The following SKAP1 variants were observed in gnomAD, a reference collection of about 807,000 sequenced individuals.
SKAP1 encodes src kinase associated phosphoprotein 1.
SKAP1 carries 44 observed loss-of-function variants against 58.5 expected under a neutral mutation model. The observed-to-expected ratio is 0.75, with a 90% CI of 0.59 to 0.97. SKAP1 has a LOEUF of 0.97. Among genes scored for constraint, SKAP1 ranks in the 50% least tolerant of loss-of-function variants. The pLI is 0.00. For missense variants in SKAP1, 390 were observed against 435.2 expected, an observed-to-expected ratio of 0.90 and a Z score of 0.92; for synonymous variants, 127 against 149.7, an observed-to-expected ratio of 0.85 and a Z score of 1.11.
chr17:48,361,590 C>T (rs943216410), intron 3 of SKAP1, among the ~76,000 whole-genome samples: 1 of 152,270 alleles, frequency 6.6e-6, no homozygotes, highest in Admixed American at 6.5e-5. Context: ...ATTTTCCTTC[C>T]AGGCACCAGA....
chr17:48,243,473 C>A (rs2065262914), intron 4 of SKAP1, among the ~76,000 whole-genome samples: 1 of 152,080 alleles, frequency 6.6e-6, no homozygotes, highest in South Asian at 2.1e-4. Flanking sequence ...GAAATAGGAT[C>A]TTCACACTAA....
At chr17:48,362,474 A>T (rs2066948950) in intron 3 of SKAP1, among the ~76,000 whole-genome samples, 1 of 152,212 alleles carries the variant, frequency 6.6e-6, no homozygotes, top group African/African-American at 2.4e-5. Context: ...TAAACCCTGA[A>T]CTATAGGGCC....
chr17:48,202,557 T>G (rs1417260922), intron 4 of SKAP1, among the ~76,000 whole-genome samples: 1 of 152,156 alleles, frequency 6.6e-6, no homozygotes, highest in Non-Finnish European at 1.5e-5. Flanking sequence ...ATTCTAGATT[T>G]AAATATTTCT....
intron 4 of SKAP1, among the ~76,000 whole-genome samples, chr17:48,277,584 T>C (rs2065716226): frequency 6.6e-6 from 1 of 152,132 alleles, no homozygotes; most frequent in Non-Finnish European, 1.5e-5. Flanking sequence ...AAATTTGGGG[T>C]TATTAGATTA....
intron 4 of SKAP1, among the ~76,000 whole-genome samples, chr17:48,217,870 A>G (rs538104759): frequency 6.6e-6 from 1 of 152,328 alleles, no homozygotes; most frequent in Admixed American, 6.5e-5. Context: ...TTAAAAGGCT[A>G]CATTATGTGA....
intron 2 of SKAP1, among the ~76,000 whole-genome samples, chr17:48,376,797 T>C (rs2144458230): frequency 6.6e-6 from 1 of 152,278 alleles, no homozygotes; most frequent in South Asian, 2.1e-4. Context: ...GTAGAAGTGA[T>C]GTAATTGGCC....
At chr17:48,396,927 TAA>T (rs35139298) in intron 1 of SKAP1, 142 bp from the exon 2 acceptor site, 689 of 354,942 alleles carry the variant, frequency 1.9e-3, no homozygotes, top group Middle Eastern at 5.4e-3. Flanking sequence ...TAAAGTATAA[TAA>T]AAAAAAAAAA....
intron 4 of SKAP1, among the ~76,000 whole-genome samples, chr17:48,194,384 T>A (rs944673431): frequency 6.6e-6 from 1 of 152,226 alleles, no homozygotes; most frequent in Non-Finnish European, 1.5e-5. Flanking sequence ...TTTAGTCAGC[T>A]ATGCACAGCA....
At chr17:48,379,995 T>C (rs761083572) in intron 2 of SKAP1, among the ~76,000 whole-genome samples, 73 of 152,322 alleles carry the variant, frequency 4.8e-4, no homozygotes, top group Non-Finnish European at 8.5e-4. Context: ...AGTATCATTC[T>C]TACCCATTTA....
chr17:48,155,352 T>C (rs540172019), intron 11 of SKAP1, among the ~76,000 whole-genome samples: 3 of 150,782 alleles, frequency 2.0e-5, no homozygotes, highest in Middle Eastern at 3.4e-3. Context: ...GGTCTCGAAC[T>C]CCTGACCTCA....
At chr17:48,187,571 A>C (rs1461503884) in intron 6 of SKAP1, among the ~76,000 whole-genome samples, 1 of 152,192 alleles carries the variant, frequency 6.6e-6, no homozygotes, top group Non-Finnish European at 1.5e-5. Context: ...CAAAACATTC[A>C]ACTTTGATAA....
chr17:48,416,850 C>T (rs1322558616), intron 1 of SKAP1, among the ~76,000 whole-genome samples: 2 of 152,196 alleles, frequency 1.3e-5, no homozygotes, highest in Admixed American at 6.5e-5. Context: ...TTTCTGCAGT[C>T]ACTCTTAAAT....
chr17:48,269,824 T>C (rs1465096866), intron 4 of SKAP1, among the ~76,000 whole-genome samples: 1 of 152,168 alleles, frequency 6.6e-6, no homozygotes, highest in Non-Finnish European at 1.5e-5. Flanking sequence ...CCGGGTGCGG[T>C]GGCTCACGCT....
intron 1 of SKAP1, among the ~76,000 whole-genome samples, chr17:48,407,676 T>C (rs1013211196): frequency 3.3e-5 from 5 of 151,922 alleles, no homozygotes; most frequent in African/African-American, 1.2e-4. Flanking sequence ...GTGGGCAACA[T>C]GATGAAACTC....
intron 4 of SKAP1, among the ~76,000 whole-genome samples, chr17:48,233,205 G>A (rs1289344219): frequency 6.6e-6 from 1 of 152,154 alleles, no homozygotes; most frequent in Non-Finnish European, 1.5e-5. Context: ...ACCACAATCT[G>A]GGGAGGTCAC....
intron 4 of SKAP1, chr17:48,295,632 T>C (rs1029573204): frequency 3.3e-5 from 5 of 152,018 alleles, no homozygotes; most frequent in Non-Finnish European, 2.9e-5. Context: ...TTTTTTTTTT[T>C]TTCCATTTTC....
chr17:48,160,438 A>G (rs2064052614), intron 11 of SKAP1, among the ~76,000 whole-genome samples: 1 of 151,090 alleles, frequency 6.6e-6, no homozygotes, highest in East Asian at 1.9e-4. Flanking sequence ...TGCCTGGCCT[A>G]TGTTAGCTTT....
At chr17:48,203,326 T>C (rs1236714209) in intron 4 of SKAP1, among the ~76,000 whole-genome samples, 2 of 152,214 alleles carry the variant, frequency 1.3e-5, no homozygotes, top group Non-Finnish European at 2.9e-5. Flanking sequence ...TTTCCAGGAC[T>C]GTAGAAAGCT....
At chr17:48,134,660 G>A (rs1030358919) in intron 12 of SKAP1, among the ~76,000 whole-genome samples, 1 of 152,142 alleles carries the variant, frequency 6.6e-6, no homozygotes, top group Non-Finnish European at 1.5e-5. Context: ...AGACAATGAA[G>A]AGATAAACAA....
Sources: gnomAD v4.1 joint callset for allele counts (sites outside exome capture counted in the v4.1 genomes callset) on GRCh38, gnomAD v4.1.1 for gene constraint, MANE v1.5 for transcripts, NCBI Gene and HGNC (gene_info 2026-07-23, HGNC 2026-07-21) for gene names.